The following KCNC4 variants were observed in gnomAD, a reference collection of about 807,000 sequenced individuals.
KCNC4 encodes the protein voltage-gated potassium channel KCNC4.
In KCNC4, 23 loss-of-function variants were observed where a neutral mutation model predicts 42.8. The observed-to-expected ratio is 0.54, with a 90% CI of 0.39 to 0.76. The LOEUF is 0.76. Among genes scored for constraint, KCNC4 ranks in the 30% least tolerant of loss-of-function variants. The pLI is 0.00. For missense variants in KCNC4, 751 were observed against 898.2 expected (o/e 0.84, Z 2.10); for synonymous variants, 422 against 393.5 (o/e 1.07, Z -0.86).
chr1:110,257,720 C>CAAAAAAAAAAA lies in KCNC4; in HGVS notation n.31-24802_31-24792dup, dbSNP rs56333861. 1.9e-3 allele frequency among the ~76,000 whole-genome samples: 177 copies of CAAAAAAAAAAA among 90,958 alleles called. 13 individuals are homozygous for CAAAAAAAAAAA. Among genetic ancestry groups the CAAAAAAAAAAA allele is most frequent in the African/African-American group, 7.6e-3 (153 of 20,192 alleles). 59.7% of individuals were successfully genotyped at this position (90,958 alleles called of 152,430 possible). ...TTGGCAACAGAGCGAGACTCCGTCT[C>CAAAAAAAAAAA]AAAAAAAAAAAAAAAAAAAAAAGTC... On this transcript the variant is annotated intron_variant and non_coding_transcript_variant, in intron 1 of 2. Transcript: ENST00000412512.
chr1:110,220,801 C>A (rs1450957704), intron 1 of KCNC4: 1 of 152,176 alleles, frequency 6.6e-6, no homozygotes, highest in African/African-American at 2.4e-5. Flanking sequence ...TACTTAATGC[C>A]CATATCAGCC....
chr1:110,222,972 C>T lies in KCNC4; in HGVS notation c.687C>T (p.Ala229=). Residue 229 remains alanine (A), a synonymous_variant, in exon 2 of 4, where the codon GCC becomes GCT. Coordinates refer to ENST00000438661, the MANE Select transcript of KCNC4 (RefSeq NM_001039574.3). ...TCCTCCCCTGCCCATAGGTAGTGGC[C>T]TTTGCCTCTCTCTTCTTCATCCTGG... ...PYSSRAARVV[A]FASLFFILVS... 1 of 1,613,158 alleles carries T rather than the reference C, an allele frequency of 6.2e-7. No homozygotes were observed. Among genetic ancestry groups the T allele is most frequent in the Non-Finnish European group, 8.5e-7 (1 of 1,179,162 alleles).
intron 3 of KCNC4, among the ~76,000 whole-genome samples, chr1:110,231,465 G>T (rs1490974172): frequency 6.6e-6 from 1 of 152,170 alleles, no homozygotes; most frequent in African/African-American, 2.4e-5. Flanking sequence ...CTCAGTATGG[G>T]CTGCTCTGCT....
At chr1:110,267,131 G>A (rs1413396891) in intron 1 of KCNC4, among the ~76,000 whole-genome samples, 2 of 152,188 alleles carry the variant, frequency 1.3e-5, no homozygotes, top group Non-Finnish European at 2.9e-5. Context: ...AGTCTGTGTA[G>A]GGTGGGCTTT....
intron 3 of KCNC4, chr1:110,232,300 G>A (rs1483105729): frequency 1.2e-6 from 2 of 1,613,314 alleles, no homozygotes; most frequent in Non-Finnish European, 1.7e-6. Context: ...CTCTGTTCCT[G>A]CCACATTGAG....
At chr1:110,231,534 C>G (rs980411972) in intron 3 of KCNC4, among the ~76,000 whole-genome samples, 1 of 118,888 alleles carries the variant, frequency 8.4e-6, no homozygotes, top group African/African-American at 3.3e-5. Flanking sequence ...CATCCTAGAC[C>G]CATCCTAGAC....
chr1:110,223,300 G>T lies in KCNC4; in HGVS notation c.1015G>T (p.Ala339Ser), dbSNP rs1240625475. 1 of 1,614,140 alleles carries T rather than the reference G, an allele frequency of 6.2e-7. No homozygotes were observed. Among genetic ancestry groups the T allele is most frequent in the Non-Finnish European group, 8.5e-7 (1 of 1,180,022 alleles). ...GCTGAGCGGCCTGTCATCCAAGGCG[G>T]CCCGCGACGTGCTGGGCTTCCTGCG... ...VGLSGLSSKA[A>S]RDVLGFLRVV... is the part of the protein sequence containing the mutation. Residue 339 changes from alanine (A) to serine (S), a missense_variant, in exon 2 of 4, where the codon GCC becomes TCC. By Grantham distance (99) the Ala-to-Ser change is moderately conservative. Around this residue, in one of 4 missense-constraint regions of KCNC4, gnomAD observed 185 missense variants for 293.7 expected, o/e 0.63. Coordinates refer to ENST00000438661, the MANE Select transcript of KCNC4 (RefSeq NM_001039574.3). This position sits in a 1 kb window ranked among gnomAD's most constrained non-coding sequence, Gnocchi z 7.5.
At position 110,210,582 on chromosome 1, in the gene KCNC4, C is replaced by T. The variant is rs1479659053; in HGVS notation, c.-918C>T. ...CGGGAAGCCTGCAGGTGTCCTTGGCCGCTCGGCCGCCGCCCCCGGTACACC... is the reference window on the plus strand; with the variant it reads ...CGGGAAGCCTGCAGGTGTCCTTGGCTGCTCGGCCGCCGCCCCCGGTACACC... On this transcript the variant is annotated 5_prime_UTR_variant, in exon 1 of 4. Coordinates refer to ENST00000438661, the MANE Select transcript of KCNC4 (RefSeq NM_001039574.3). 1.3e-5 allele frequency among the ~76,000 whole-genome samples: 2 copies of T among 151,604 alleles called. No individual in the cohort carries two copies. The highest frequency in any genetic ancestry group is 2.4e-5 in the African/African-American group (1 of 41,366).
exon 4 of KCNC4, chr1:110,245,946 C>T (rs1659137641): frequency 6.6e-6 from 1 of 152,208 alleles, no homozygotes; most frequent in Non-Finnish European, 1.5e-5. Context: ...CTGCTTCTTG[C>T]AGGAGGTAGT....
chr1:110,227,058 A>G (rs1658434717), intron 3 of KCNC4, among the ~76,000 whole-genome samples: 1 of 151,982 alleles, frequency 6.6e-6, no homozygotes, highest in Non-Finnish European at 1.5e-5. Flanking sequence ...CTGTTACCTA[A>G]CCTCACTCAA....
Position 110,232,994 on chromosome 1 carries a change from A to G in KCNC4, c.*22A>G. 1 of 1,606,660 alleles carries G rather than the reference A, an allele frequency of 6.2e-7. No individual in the cohort carries two copies. Among genetic ancestry groups the G allele is most frequent in the South Asian group, 1.1e-5 (1 of 89,192 alleles). On this transcript the variant is annotated 3_prime_UTR_variant, in exon 4 of 4. Transcript: ENST00000438661. ...TTAAAGCGGCACCAACGTGAGAGAG[A>G]CAGGCAGACAGACAGAAAGCCAGAG... is the stretch of plus-strand genomic sequence containing the variant.
chr1:110,276,983 T>G (rs916762573), intron 1 of KCNC4, among the ~76,000 whole-genome samples: 3 of 152,356 alleles, frequency 2.0e-5, no homozygotes, highest in Admixed American at 2.0e-4. Flanking sequence ...TTTTTCATTA[T>G]CAGAGACTCA....
Position 110,223,068 on chromosome 1 carries a change from C to A in KCNC4, c.783C>A (p.Leu261=). ...TCGACCGCAACGTGACAGAGATCCTCCGCGTAGGGAACATCACCAGCGTGC... is the reference window on the plus strand; with the variant it reads ...TCGACCGCAACGTGACAGAGATCCTACGCGTAGGGAACATCACCAGCGTGC... ...FNIDRNVTEI[L]RVGNITSVHF... The change falls in exon 2 of 4, where the codon CTC becomes CTA. Residue 261 remains leucine, a synonymous_variant. Transcript: ENST00000438661. The surrounding 1 kb of genome is among the most constrained non-coding windows in gnomAD (Gnocchi z 7.5). 1 of 1,614,200 alleles carries A rather than the reference C, an allele frequency of 6.2e-7. No individual in the cohort carries two copies. Among genetic ancestry groups the A allele is most frequent in the Non-Finnish European group, 8.5e-7 (1 of 1,180,034 alleles).
intron 1 of KCNC4, among the ~76,000 whole-genome samples, chr1:110,217,553 G>A (rs1002414533): frequency 6.6e-6 from 1 of 152,194 alleles, no homozygotes; most frequent in African/African-American, 2.4e-5. Context: ...ACTGAATAGC[G>A]GGTTCTTGGA....
chr1:110,283,891 A>G (rs1659869354), downstream of KCNC4, among the ~76,000 whole-genome samples: 1 of 152,196 alleles, frequency 6.6e-6, no homozygotes, highest in African/African-American at 2.4e-5. Context: ...CAGACTTCAT[A>G]TGCTATTTCA....
intron 3 of KCNC4, chr1:110,232,373 A>C: frequency 1.3e-6 from 2 of 1,573,358 alleles, no homozygotes; most frequent in Non-Finnish European, 1.7e-6. Context: ...TCCTTGGGAC[A>C]ATGGAATATC....
intron 1 of KCNC4, chr1:110,222,713 T>C (rs1259778018): frequency 1.4e-5 from 7 of 508,562 alleles, no homozygotes; most frequent in Middle Eastern, 5.2e-4. Context: ...TGTAGATACC[T>C]GACCAGTGTT....
chr1:110,233,086 G>T lies in KCNC4; in HGVS notation c.*114G>T. On this transcript the variant is annotated 3_prime_UTR_variant, in exon 4 of 4. Coordinates refer to ENST00000438661, the MANE Select transcript of KCNC4 (RefSeq NM_001039574.3). ...GGGAAAGACTCAGATATCCTTGTTTGCACAGGACTGGTGGAAAATCTCCCA... is the reference window on the plus strand; with the variant it reads ...GGGAAAGACTCAGATATCCTTGTTTTCACAGGACTGGTGGAAAATCTCCCA... 3 of 1,348,156 alleles carry T rather than the reference G, an allele frequency of 2.2e-6. No individual in the cohort carries two copies. Among genetic ancestry groups the T allele is most frequent in the Non-Finnish European group, 3.1e-6 (3 of 977,488 alleles). 83.5% of individuals were successfully genotyped at this position (1,348,156 alleles called of 1,614,324 possible). A position where few individuals can be genotyped will look rare whatever the true frequency, so the allele number is the denominator to read the frequency against.
chr1:110,257,831 C>T (rs372255798), intron 1 of KCNC4, among the ~76,000 whole-genome samples: 3 of 151,820 alleles, frequency 2.0e-5, no homozygotes, highest in African/African-American at 7.3e-5. Flanking sequence ...GCATCACTGA[C>T]TTTTGCACAC....
Sources: gnomAD v4.1 joint callset for allele counts (sites outside exome capture counted in the v4.1 genomes callset) on GRCh38, gnomAD v4.1.1 for gene constraint, gnomAD v4.1.1 regional missense constraint, Gnocchi (gnomAD v3.1) non-coding constraint, MANE v1.5 for transcripts, NCBI Gene and HGNC (gene_info 2026-07-23, HGNC 2026-07-21) for gene names.